The following GALNTL6 variants were observed in gnomAD, a reference collection of about 807,000 sequenced individuals.
GALNTL6 encodes the protein polypeptide N-acetylgalactosaminyltransferase like 6, also known as polypeptide N-acetylgalactosaminyltransferase-like 6.
GALNTL6 carries 46 observed loss-of-function variants against 73.7 expected under a neutral mutation model. The ratio of observed to expected loss-of-function variants is 0.62; its 90% CI spans 0.49 to 0.80. GALNTL6 has a LOEUF of 0.80. Ranked by LOEUF, GALNTL6 falls within the 30% of genes least tolerant of loss-of-function variation. The pLI is 0.00. For synonymous variants in GALNTL6, 259 were observed against 263.7 expected, an observed-to-expected ratio of 0.98 and a Z score of 0.17; for missense variants, 604 against 755.0, an observed-to-expected ratio of 0.80 and a Z score of 2.34.
chr4:172,768,785 A>C (rs1426594517), intron 5 of GALNTL6, among the ~76,000 whole-genome samples: 1 of 152,040 alleles, frequency 6.6e-6, no homozygotes, highest in African/African-American at 2.4e-5. Flanking sequence ...AGCCAACTTG[A>C]CCTACACCTT....
intron 7 of GALNTL6, among the ~76,000 whole-genome samples, chr4:172,853,131 G>A (rs1743927854): frequency 6.6e-6 from 1 of 152,186 alleles, no homozygotes. Context: ...TCACAAGGCT[G>A]CAATCAAGAC....
intron 4 of GALNTL6, among the ~76,000 whole-genome samples, chr4:172,339,828 T>C (rs1741498314): frequency 6.6e-6 from 1 of 152,218 alleles, no homozygotes. Context: ...ACACGGGGGC[T>C]GTTTGCACAT....
At chr4:172,359,905 G>C (rs1742304429) in intron 5 of GALNTL6, among the ~76,000 whole-genome samples, 1 of 152,158 alleles carries the variant, frequency 6.6e-6, no homozygotes, top group Non-Finnish European at 1.5e-5. Context: ...AAGATGCCCT[G>C]ACATATGACT....
intron 5 of GALNTL6, among the ~76,000 whole-genome samples, chr4:172,481,908 G>A (rs973565130): frequency 6.6e-6 from 1 of 152,230 alleles, no homozygotes; most frequent in African/African-American, 2.4e-5. Context: ...CTTGGGCAGT[G>A]GATGGGACTG....
chr4:172,085,394 A>G (rs141749981), intron 2 of GALNTL6, among the ~76,000 whole-genome samples: 1 of 152,144 alleles, frequency 6.6e-6, no homozygotes, highest in African/African-American at 2.4e-5. Context: ...GTGATTAAAA[A>G]TATGAAATAC....
chr4:172,482,972 TTAAG>T (rs1456585781), intron 5 of GALNTL6, among the ~76,000 whole-genome samples: 3 of 151,210 alleles, frequency 2.0e-5, no homozygotes, highest in Admixed American at 6.6e-5. Flanking sequence ...TGGGGATACT[TTAAG>T]TACAATTTCG....
chr4:172,841,758 C>T (rs1189051307), intron 7 of GALNTL6, among the ~76,000 whole-genome samples: 2 of 152,184 alleles, frequency 1.3e-5, no homozygotes, highest in Non-Finnish European at 2.9e-5. Flanking sequence ...TCACTTCCCT[C>T]CCCTCTACGT....
At chr4:171,998,312 G>A (rs926282633) in intron 2 of GALNTL6, among the ~76,000 whole-genome samples, 1 of 152,058 alleles carries the variant, frequency 6.6e-6, no homozygotes, top group South Asian at 2.1e-4. Flanking sequence ...GACTGTGGAG[G>A]TCTAATGAGT....
chr4:172,849,116 C>T (rs761419044), intron 7 of GALNTL6, among the ~76,000 whole-genome samples: 20 of 152,078 alleles, frequency 1.3e-4, no homozygotes, highest in Admixed American at 1.1e-3. Context: ...AGATTTCAGT[C>T]CTTGTCCCTA....
chr4:172,484,590 AC>A (rs977481090), intron 5 of GALNTL6, among the ~76,000 whole-genome samples: 5 of 152,124 alleles, frequency 3.3e-5, no homozygotes, highest in Admixed American at 2.0e-4. Flanking sequence ...TGAGAAGGTG[AC>A]TCAGCATTGA....
intron 7 of GALNTL6, among the ~76,000 whole-genome samples, chr4:172,822,761 G>A (rs548078056): frequency 1.6e-4 from 24 of 152,256 alleles, no homozygotes; most frequent in African/African-American, 5.5e-4. Flanking sequence ...TGAATGGATT[G>A]ATGACTGTTT....
At chr4:172,566,746 A>T (rs1840428) in intron 5 of GALNTL6, among the ~76,000 whole-genome samples, 70,325 of 151,538 alleles carry the variant, frequency 0.46, 17,976 homozygotes, top group East Asian at 0.67. Flanking sequence ...AACTAAAAAA[A>T]TTTTTTAAGA....
intron 7 of GALNTL6, among the ~76,000 whole-genome samples, chr4:172,824,409 T>C (rs1742124046): frequency 6.7e-6 from 1 of 149,372 alleles, no homozygotes; most frequent in African/African-American, 2.5e-5. Flanking sequence ...TGTGTGTGTG[T>C]TCATGTGTGT....
At position 172,505,472 on chromosome 4, in the gene GALNTL6, C is replaced by T. The variant is rs1202836163; in HGVS notation, c.553+156783C>T. Among the ~76,000 whole-genome samples, 3 of 54,876 alleles carry T rather than the reference C, an allele frequency of 5.5e-5. 1 individual carries two copies. Among genetic ancestry groups the T allele is most frequent in the African/African-American group, 9.1e-5 (2 of 21,980 alleles). 36.0% of individuals were successfully genotyped at this position (54,876 alleles called of 152,430 possible). On this transcript the variant is annotated intron_variant, in intron 5 of 12. Transcript: ENST00000506823. Reference sequence around the variant, plus strand: ...ATTTCCAGAGATTTCAGTATTGATGCGTGAATGTTGGGTATGTGCTGGCCT... The same window carrying T: ...ATTTCCAGAGATTTCAGTATTGATGTGTGAATGTTGGGTATGTGCTGGCCT...
At chr4:172,476,648 G>A (rs998013219) in intron 5 of GALNTL6, among the ~76,000 whole-genome samples, 6 of 152,140 alleles carry the variant, frequency 3.9e-5, no homozygotes, top group Admixed American at 1.3e-4. Context: ...TATCTTTCAT[G>A]GAGCGCTGAA....
At chr4:172,125,375 T>A (rs1205947680) in intron 2 of GALNTL6, among the ~76,000 whole-genome samples, 2 of 152,182 alleles carry the variant, frequency 1.3e-5, no homozygotes, top group Admixed American at 6.5e-5. Context: ...TGGTTGAAAT[T>A]TTTTTTAAAC....
At chr4:172,732,117 C>T (rs1052719307) in intron 5 of GALNTL6, among the ~76,000 whole-genome samples, 8 of 152,118 alleles carry the variant, frequency 5.3e-5, no homozygotes, top group Admixed American at 3.3e-4. Flanking sequence ...GATGATCTGT[C>T]TGTTACTGAG....
chr4:171,881,358 C>G (rs1254766029), intron 2 of GALNTL6, among the ~76,000 whole-genome samples: 5 of 152,144 alleles, frequency 3.3e-5, no homozygotes, highest in Non-Finnish European at 7.4e-5. Flanking sequence ...CCACCAAAAT[C>G]TCATGTCAAA....
At chr4:172,815,937 A>G (rs1301340184) in intron 7 of GALNTL6, among the ~76,000 whole-genome samples, 1 of 152,208 alleles carries the variant, frequency 6.6e-6, no homozygotes, top group African/African-American at 2.4e-5. Flanking sequence ...TCCTGATAAT[A>G]AAAGAATGGT....
Sources: allele counts gnomAD v4.1 joint callset (sites outside exome capture counted in the v4.1 genomes callset), GRCh38; gene constraint gnomAD v4.1.1; transcripts MANE v1.5; gene names NCBI Gene and HGNC (gene_info 2026-07-23, HGNC 2026-07-21).